ADK: variants seen among roughly 807,000 people sequenced by gnomAD.
ADK encodes the protein N6,N6-dimethyladenosine kinase.
ADK carries 24 observed loss-of-function variants against 44.7 expected under a neutral mutation model. The ratio of observed to expected loss-of-function variants is 0.54; its 90% CI spans 0.39 to 0.76. The LOEUF (loss-of-function observed/expected upper bound fraction) is 0.76, where lower values mean the gene tolerates loss of function less well. ADK is among the 30% of genes least tolerant of loss of function. The pLI is 0.00. For missense variants in ADK, 321 were observed against 425.1 expected (o/e 0.76, Z 2.15); for synonymous variants, 128 against 142.6 (o/e 0.90, Z 0.73).
At chr10:74,461,192 G>A (rs1032810879) in intron 6 of ADK, among the ~76,000 whole-genome samples, 111 of 151,798 alleles carry the variant, frequency 7.3e-4, no homozygotes, top group Non-Finnish European at 1.6e-3. Flanking sequence ...ACTTGTCTTG[G>A]TTCAGCTGCT....
intron 3 of ADK, among the ~76,000 whole-genome samples, chr10:74,299,348 A>C (rs1442860895): frequency 6.7e-6 from 1 of 149,682 alleles, no homozygotes; most frequent in African/African-American, 2.5e-5. Flanking sequence ...AAAAAAAAAA[A>C]ATTAGCAGCG....
At chr10:74,568,883 G>A (rs1367046599) in intron 7 of ADK, among the ~76,000 whole-genome samples, 2 of 151,530 alleles carry the variant, frequency 1.3e-5, no homozygotes, top group African/African-American at 2.4e-5. Flanking sequence ...CCAGTGACTC[G>A]TCATTTAACA....
chr10:74,632,388 A>C (rs1853472240), intron 9 of ADK, among the ~76,000 whole-genome samples: 1 of 152,188 alleles, frequency 6.6e-6, no homozygotes, highest in Admixed American at 6.5e-5. Context: ...TAAAAGAACA[A>C]AAATTTATTA....
chr10:74,706,062 G>A (rs924019471), intron 10 of ADK, among the ~76,000 whole-genome samples: 1 of 152,068 alleles, frequency 6.6e-6, no homozygotes, highest in Admixed American at 6.6e-5. Flanking sequence ...AGCCAAGTGT[G>A]GTAACTTATA....
chr10:74,165,784 G>T (rs1023106226), intron 1 of ADK, among the ~76,000 whole-genome samples: 1 of 152,160 alleles, frequency 6.6e-6, no homozygotes, highest in African/African-American at 2.4e-5. Flanking sequence ...ATTGTCAATT[G>T]TGTTTTATAA....
At chr10:74,496,017 T>C (rs1046875726) in intron 6 of ADK, among the ~76,000 whole-genome samples, 1 of 152,204 alleles carries the variant, frequency 6.6e-6, no homozygotes, top group Non-Finnish European at 1.5e-5. Context: ...TATCTTCTAG[T>C]TTTTTTACTA....
chr10:74,392,369 A>G (rs1214269600), intron 4 of ADK, among the ~76,000 whole-genome samples: 1 of 152,094 alleles, frequency 6.6e-6, no homozygotes, highest in Non-Finnish European at 1.5e-5. Context: ...ATCAGTGTGA[A>G]GTGATATCTC....
At chr10:74,220,053 A>G (rs1209614810) in intron 2 of ADK, among the ~76,000 whole-genome samples, 1 of 151,864 alleles carries the variant, frequency 6.6e-6, no homozygotes, top group African/African-American at 2.4e-5. Flanking sequence ...GACACAAAAA[A>G]CCGTTCAAAA....
chr10:74,636,499 T>C (rs1853625578), intron 9 of ADK, among the ~76,000 whole-genome samples: 2 of 152,150 alleles, frequency 1.3e-5, no homozygotes, highest in East Asian at 1.9e-4. Flanking sequence ...CCAATAGGAA[T>C]TGAATTAAAA....
intron 7 of ADK, among the ~76,000 whole-genome samples, chr10:74,536,688 C>T (rs1025894138): frequency 9.2e-5 from 14 of 151,648 alleles, no homozygotes; most frequent in Non-Finnish European, 1.8e-4. Context: ...CCTCCTCACC[C>T]TTGGTAACTG....
intron 6 of ADK, among the ~76,000 whole-genome samples, chr10:74,430,253 C>T (rs1256748639): frequency 6.6e-6 from 1 of 152,112 alleles, no homozygotes; most frequent in Non-Finnish European, 1.5e-5. Context: ...CTCGAGGTAA[C>T]TTCTTACAAA....
intron 9 of ADK, among the ~76,000 whole-genome samples, chr10:74,661,711 C>T (rs763221757): frequency 5.9e-5 from 9 of 152,236 alleles, no homozygotes; most frequent in Non-Finnish European, 1.2e-4. Context: ...TCATTATCCA[C>T]ATGTTTAAGA....
intron 9 of ADK, among the ~76,000 whole-genome samples, chr10:74,658,293 G>A (rs367688871): frequency 2.6e-5 from 4 of 152,212 alleles, no homozygotes; most frequent in African/African-American, 9.6e-5. Context: ...CTCTTACCTA[G>A]GCAGCCAAGT....
intron 4 of ADK, among the ~76,000 whole-genome samples, chr10:74,353,481 G>C (rs1315812197): frequency 1.3e-5 from 2 of 151,376 alleles, no homozygotes; most frequent in Non-Finnish European, 2.9e-5. Context: ...CTTAGATGAT[G>C]GGTTGATAGG....
intron 10 of ADK, among the ~76,000 whole-genome samples, chr10:74,701,245 G>A (rs920344050): frequency 4.6e-5 from 7 of 152,206 alleles, no homozygotes; most frequent in Non-Finnish European, 1.0e-4. Context: ...AGAATTGGAA[G>A]TACTGGTGTC....
chr10:74,204,546 G>T (rs1257781103), intron 2 of ADK, among the ~76,000 whole-genome samples: 4 of 152,108 alleles, frequency 2.6e-5, no homozygotes. Flanking sequence ...TTGACTTACG[G>T]TAATATAATA....
chr10:74,704,125 T>C (rs1189815392), intron 10 of ADK, among the ~76,000 whole-genome samples: 3 of 152,204 alleles, frequency 2.0e-5, no homozygotes, highest in African/African-American at 7.2e-5. Context: ...ATGAGGTACC[T>C]AGAATAGGCA....
intron 9 of ADK, among the ~76,000 whole-genome samples, chr10:74,664,027 T>C (rs1213525001): frequency 6.6e-6 from 1 of 152,214 alleles, no homozygotes; most frequent in East Asian, 1.9e-4. Flanking sequence ...AAAGCTGGAA[T>C]GATATTATTG....
At chr10:74,252,886 C>T (rs1419497388) in intron 3 of ADK, among the ~76,000 whole-genome samples, 3 of 152,200 alleles carry the variant, frequency 2.0e-5, no homozygotes, top group Admixed American at 2.0e-4. Context: ...ATCATACCCT[C>T]ATATTGGGTG....
Sources: gnomAD v4.1 joint callset for allele counts (sites outside exome capture counted in the v4.1 genomes callset) on GRCh38, gnomAD v4.1.1 for gene constraint, MANE v1.5 for transcripts, NCBI Gene and HGNC (gene_info 2026-07-23, HGNC 2026-07-21) for gene names.